The following COL24A1 variants were observed in gnomAD, a reference collection of about 807,000 sequenced individuals.
COL24A1 encodes the protein collagen alpha-1(XXIV) chain.
COL24A1 carries 224 observed loss-of-function variants against 253.9 expected under a neutral mutation model. The ratio of observed to expected loss-of-function variants is 0.88; its 90% CI spans 0.79 to 0.99. The LOEUF (loss-of-function observed/expected upper bound fraction) is 0.99, where lower values mean the gene tolerates loss of function less well. Among genes scored for constraint, COL24A1 ranks in the 50% least tolerant of loss-of-function variants. COL24A1 has a pLI of 0.00. For synonymous variants in COL24A1, 685 were observed against 673.7 expected (o/e 1.02, Z -0.26); for missense variants, 2,131 against 2,068.5 (o/e 1.03, Z -0.59).
intron 59 of COL24A1, among the ~76,000 whole-genome samples, chr1:85,732,494 G>T (rs895235299): frequency 6.6e-6 from 1 of 151,636 alleles, no homozygotes; most frequent in Non-Finnish European, 1.5e-5. Flanking sequence ...CTCCCAAAGT[G>T]CTGGGATTAC....
At chr1:86,097,744 T>C (rs1035520434) in intron 5 of COL24A1, among the ~76,000 whole-genome samples, 2 of 151,724 alleles carry the variant, frequency 1.3e-5, no homozygotes, top group African/African-American at 4.9e-5. Context: ...GGCTTAGTCT[T>C]TGGACGTTAT....
At position 86,028,699 on chromosome 1, in the gene COL24A1, T is replaced by C. The variant is rs2101466101; in HGVS notation, c.2049+3179A>G. On this transcript the variant is annotated intron_variant, in intron 14 of 59. Coordinates refer to ENST00000370571, the MANE Select transcript of COL24A1 (RefSeq NM_152890.7). ...ATTAGCCATTTCCTTTTCTGTAGAA[T>C]CTCTTCCCATGAACTGAAAGGTGAA... Among the ~76,000 whole-genome samples the C allele has an allele frequency of 2.6e-5, 4 of 152,356 alleles. No homozygotes were observed. In the South Asian group the frequency reaches 8.3e-4, roughly 32 times the overall value.
In COL24A1 at chr1:85,760,444, G is replaced by C. The variant is rs200853532; in HGVS notation, c.4437+952C>G. On this transcript the variant is annotated intron_variant, in intron 55 of 59. Transcript: ENST00000370571. ...GATTTTTTAAAATCACAGATAAATG[G>C]GTCTCTTGTTTTCAAGGGGATAGTC... is the stretch of plus-strand genomic sequence containing the variant. 2.2e-4 allele frequency among the ~76,000 whole-genome samples: 34 copies of C among 152,148 alleles called. No individual in the cohort carries two copies. The East Asian group carries it at 6.6e-3, about 29-fold the overall frequency.
intron 19 of COL24A1, among the ~76,000 whole-genome samples, chr1:85,989,681 C>CTA (rs1694062026): frequency 6.6e-6 from 1 of 152,130 alleles, no homozygotes; most frequent in African/African-American, 2.4e-5. Flanking sequence ...TATCTCTCTT[C>CTA]TTTACTCTCT....
At chr1:85,856,873 T>G (rs887826876) in intron 37 of COL24A1, among the ~76,000 whole-genome samples, 4 of 152,176 alleles carry the variant, frequency 2.6e-5, no homozygotes, top group Non-Finnish European at 5.9e-5. Flanking sequence ...GAGTTGAGTC[T>G]GGAGCACCTA....
chr1:85,989,950 T>A (rs1694094382), intron 19 of COL24A1, among the ~76,000 whole-genome samples: 1 of 152,174 alleles, frequency 6.6e-6, no homozygotes, highest in Non-Finnish European at 1.5e-5. Context: ...TCCCTTAATG[T>A]AGTGTTTTGG....
At chr1:86,046,770 CA>C in intron 12 of COL24A1, 54 bp downstream of exon 12, 1 of 1,592,962 alleles carries the variant, frequency 6.3e-7, no homozygotes, top group Non-Finnish European at 8.6e-7. Flanking sequence ...AGTAAGAACA[CA>C]TAACCAGGTT....
intron 7 of COL24A1, among the ~76,000 whole-genome samples, chr1:86,081,796 G>A (rs188993195): frequency 3.3e-5 from 5 of 152,122 alleles, no homozygotes; most frequent in African/African-American, 7.2e-5. Flanking sequence ...TGTGTTGTTC[G>A]GGAACTGACG....
At chr1:85,862,883 T>A (rs981039270) in intron 37 of COL24A1, among the ~76,000 whole-genome samples, 2 of 152,220 alleles carry the variant, frequency 1.3e-5, no homozygotes, top group African/African-American at 4.8e-5. Context: ...GGGGATGGCA[T>A]TGAATCTATA....
intron 47 of COL24A1, among the ~76,000 whole-genome samples, chr1:85,793,663 T>A (rs994772041): frequency 6.6e-6 from 1 of 152,156 alleles, no homozygotes; most frequent in Non-Finnish European, 1.5e-5. Context: ...GCCTTTCTGT[T>A]CCATACCTAT....
At chr1:85,907,315 C>G in intron 27 of COL24A1, 68 bp from the exon 28 acceptor site, 1 of 1,290,484 alleles carries the variant, frequency 7.7e-7, no homozygotes, top group East Asian at 2.3e-5. Context: ...TAGCCATAAT[C>G]TTTCTTATAA....
intron 37 of COL24A1, among the ~76,000 whole-genome samples, chr1:85,866,804 T>G (rs1359237316): frequency 6.6e-6 from 1 of 151,942 alleles, no homozygotes; most frequent in Non-Finnish European, 1.5e-5. Flanking sequence ...GATAAGTTTT[T>G]GGGATTCCTA....
chr1:86,114,768 G>A (rs1367727431), intron 4 of COL24A1, among the ~76,000 whole-genome samples: 1 of 152,104 alleles, frequency 6.6e-6, no homozygotes, highest in Admixed American at 6.6e-5. Context: ...CTAGCTCATT[G>A]AACAAAGATG....
intron 47 of COL24A1, among the ~76,000 whole-genome samples, chr1:85,813,038 T>C (rs887304157): frequency 5.3e-5 from 8 of 152,190 alleles, no homozygotes; most frequent in Middle Eastern, 3.4e-3. Context: ...TTCTGGTAGT[T>C]AAAATGTAGT....
intron 5 of COL24A1, among the ~76,000 whole-genome samples, chr1:86,101,617 A>G (rs1401796145): frequency 6.6e-6 from 1 of 152,172 alleles, no homozygotes; most frequent in Non-Finnish European, 1.5e-5. Flanking sequence ...ATTTTATCAA[A>G]AGCCTTTTCT....
In COL24A1 at chr1:85,970,197, CT is replaced by C. The variant is rs761669004; in HGVS notation, c.2463+29del. 2.1e-5 allele frequency: 33 copies of C among 1,543,008 alleles called. No homozygotes were observed. In the Middle Eastern group the frequency reaches 8.6e-4, roughly 40 times the overall value. ...AGAACAGCTATTTTCAAGAAAAGCACTTATGGAAAATTATTTATATGATACC... is the reference window on the plus strand; with the variant it reads ...AGAACAGCTATTTTCAAGAAAAGCACTATGGAAAATTATTTATATGATACC... On this transcript the variant is annotated intron_variant, in intron 22 of 59. Transcript: ENST00000370571.
chr1:86,060,926 T>C (rs1249741465), intron 8 of COL24A1, among the ~76,000 whole-genome samples: 2 of 151,870 alleles, frequency 1.3e-5, no homozygotes, highest in Non-Finnish European at 2.9e-5. Flanking sequence ...CTATAACATT[T>C]ATTGAGCACT....
chr1:85,735,005 T>C, intron 58 of COL24A1, 41 bp from the exon 59 acceptor site: 1 of 1,585,114 alleles, frequency 6.3e-7, no homozygotes, highest in South Asian at 1.1e-5. Flanking sequence ...AACATGGCAA[T>C]TGAGAAACTT....
intron 14 of COL24A1, among the ~76,000 whole-genome samples, chr1:86,025,740 G>T (rs1158504273): frequency 6.6e-6 from 1 of 151,976 alleles, no homozygotes; most frequent in Non-Finnish European, 1.5e-5. Context: ...CTTCCATTCT[G>T]CTCCCAAGCC....
Sources: allele counts gnomAD v4.1 joint callset (sites outside exome capture counted in the v4.1 genomes callset), GRCh38; gene constraint gnomAD v4.1.1; transcripts MANE v1.5; gene names NCBI Gene and HGNC (gene_info 2026-07-23, HGNC 2026-07-21).